Variants in KPNB1 observed in about 807,000 individuals in gnomAD.
The protein encoded by KPNB1 is importin subunit beta-1.
Under a neutral mutation model 113.0 loss-of-function variants are expected in KPNB1, and 7 were observed. The observed-to-expected ratio is 0.06, with a 90% CI of 0.04 to 0.12. KPNB1 has a LOEUF of 0.12. Ranked by LOEUF, KPNB1 falls within the 10% of genes least tolerant of loss-of-function variation. KPNB1 has a pLI of 1.00. For missense variants in KPNB1, 400 were observed against 1,054.8 expected, an observed-to-expected ratio of 0.38 and a Z score of 8.60; for synonymous variants, 363 against 378.6, an observed-to-expected ratio of 0.96 and a Z score of 0.48.
At chr17:47,658,760 G>A (rs1567888834) in intron 5 of KPNB1, 100 bp downstream of exon 5, 1 of 974,208 alleles carries the variant, frequency 1.0e-6, no homozygotes, top group South Asian at 1.6e-5. Flanking sequence ...GGTTTAGAAA[G>A]TACCACCTAC....
intron 21 of KPNB1, among the ~76,000 whole-genome samples, chr17:47,681,666 C>G (rs1249846145): frequency 5.4e-5 from 8 of 147,488 alleles, no homozygotes; most frequent in Admixed American, 3.4e-4. Flanking sequence ...CCTCAGCCTC[C>G]TAAATTGCTG....
intron 9 of KPNB1, among the ~76,000 whole-genome samples, chr17:47,666,614 T>C (rs1337417297): frequency 6.9e-6 from 1 of 145,684 alleles, no homozygotes; most frequent in Non-Finnish European, 1.5e-5. Context: ...ATATATTTTA[T>C]ATATATTATA....
At chr17:47,676,370 C>T (rs182634177) in intron 15 of KPNB1, 39 bp from the exon 16 acceptor site, 52 of 1,424,114 alleles carry the variant, frequency 3.7e-5, no homozygotes, top group South Asian at 3.1e-4. Flanking sequence ...TGTGTTAACC[C>T]GTGGTGCTGT....
chr17:47,651,474 TAC>T, intron 2 of KPNB1: 1 of 401,916 alleles, frequency 2.5e-6, no homozygotes, highest in Non-Finnish European at 3.4e-6. Flanking sequence ...GCTTATTTTA[TAC>T]AGACTGCCTT....
At chr17:47,677,343 G>A (rs1029770846) in intron 17 of KPNB1, among the ~76,000 whole-genome samples, 2 of 151,840 alleles carry the variant, frequency 1.3e-5, no homozygotes, top group African/African-American at 4.8e-5. Flanking sequence ...GTGATGGCAG[G>A]CGCTTGTAAT....
intron 8 of KPNB1, among the ~76,000 whole-genome samples, chr17:47,664,529 T>A (rs1443054703): frequency 6.6e-6 from 1 of 152,166 alleles, no homozygotes; most frequent in Non-Finnish European, 1.5e-5. Flanking sequence ...GGCAGCAGGC[T>A]GTCGCAGTTT....
intron 20 of KPNB1, 115 bp from the exon 21 acceptor site, chr17:47,680,393 G>GT: frequency 3.2e-6 from 4 of 1,240,900 alleles, no homozygotes; most frequent in Non-Finnish European, 4.5e-6. Context: ...TCTACTGAGG[G>GT]TTTTATTTAT....
In KPNB1 at chr17:47,652,889, T is replaced by C. The variant is rs1187891817; in HGVS notation, c.282+13T>C. ...AGTCAAGAACTATGTGAGTAACGCT[T>C]ATCTGTTTGGTTATATTGCCCAGAG... On this transcript the variant is annotated intron_variant, in intron 3 of 21. Coordinates refer to ENST00000290158, the MANE Select transcript of KPNB1 (RefSeq NM_002265.6). 3 of 1,551,188 alleles carry C rather than the reference T, an allele frequency of 1.9e-6. No homozygotes were observed. Among genetic ancestry groups the C allele is most frequent in the East Asian group, 2.3e-5 (1 of 43,610 alleles).
At chr17:47,672,459 C>T (rs1220481667) in intron 12 of KPNB1, among the ~76,000 whole-genome samples, 1 of 151,206 alleles carries the variant, frequency 6.6e-6, no homozygotes, top group South Asian at 2.1e-4. Context: ...AGTGCGGTCT[C>T]GGCCCACTGC....
In KPNB1 at chr17:47,652,493, T is replaced by G. The variant is rs143665937; in HGVS notation, c.100-201T>G. On this transcript the variant is annotated intron_variant, in intron 2 of 21. Transcript: ENST00000290158. ...AGGCTCCACGAGAAAAGTGGAAGACTTCCTGTTACACTAAGTAACATTTTT... is the reference window on the plus strand; with the variant it reads ...AGGCTCCACGAGAAAAGTGGAAGACGTCCTGTTACACTAAGTAACATTTTT... 3.6e-3 allele frequency among the ~76,000 whole-genome samples: 542 copies of G among 152,302 alleles called. 2 individuals are homozygous for G. Among genetic ancestry groups the G allele is most frequent in the African/African-American group, 0.013 (523 of 41,552 alleles).
intron 21 of KPNB1, 95 bp downstream of exon 21, chr17:47,680,764 A>AT: frequency 3.3e-5 from 42 of 1,280,354 alleles, no homozygotes; most frequent in South Asian, 4.5e-5. Context: ...GCCTTCTGGC[A>AT]TTTTTTTTGT....
chr17:47,665,558 T>G (rs2030242764), intron 9 of KPNB1, among the ~76,000 whole-genome samples: 1 of 152,218 alleles, frequency 6.6e-6, no homozygotes, highest in Admixed American at 6.5e-5. Flanking sequence ...TGTATGTTTT[T>G]AAAATTCTAA....
At position 47,652,789 on chromosome 17, in the gene KPNB1, G is replaced by A. The variant is rs372728539; in HGVS notation, c.195G>A (p.Leu65=). ...VAAGLQIKNS[L]TSKDPDIKAQ... is the part of the protein sequence containing the mutation. ...CTGGTCTACAAATCAAGAACTCTTTGACATCTAAAGATCCAGATATCAAGG... is the reference window on the plus strand; with the variant it reads ...CTGGTCTACAAATCAAGAACTCTTTAACATCTAAAGATCCAGATATCAAGG... The change falls in exon 3 of 22, where the codon TTG becomes TTA. Residue 65 remains leucine, a synonymous_variant. Coordinates refer to ENST00000290158, the MANE Select transcript of KPNB1 (RefSeq NM_002265.6). The A allele has an allele frequency of 1.9e-6, 3 of 1,612,648 alleles. No homozygotes were observed. In the African/African-American group the frequency reaches 4.0e-5, roughly 22 times the overall value.
chr17:47,678,272 C>G lies in KPNB1; in HGVS notation c.2248-36C>G, dbSNP rs771577151. 27 of 1,607,420 alleles carry G rather than the reference C, an allele frequency of 1.7e-5. No homozygotes were observed. In the Admixed American group the frequency reaches 2.2e-4, roughly 13 times the overall value. Reference sequence around the variant, plus strand: ...TGACAAACATGCAGCTAAAAGTGATCAGTGTGATGTAGGTTCTGTTCTTTG... The same window carrying G: ...TGACAAACATGCAGCTAAAAGTGATGAGTGTGATGTAGGTTCTGTTCTTTG... On this transcript the variant is annotated intron_variant, in intron 18 of 21. Transcript: ENST00000290158.
intron 12 of KPNB1, 86 bp from the exon 13 acceptor site, chr17:47,672,924 GGTTCCTGA>G (rs1367462193): frequency 4.2e-6 from 5 of 1,184,026 alleles, no homozygotes; most frequent in Non-Finnish European, 5.9e-6. Flanking sequence ...CAGACATACC[GGTTCCTGA>G]GTTCTTATTT....
chr17:47,673,790 A>G, intron 14 of KPNB1: 2 of 521,496 alleles, frequency 3.8e-6, no homozygotes, highest in Non-Finnish European at 6.9e-6. Context: ...GATGGTCTAG[A>G]TGTAATCTTG....
intron 17 of KPNB1, 74 bp downstream of exon 17, chr17:47,677,201 C>T: frequency 1.7e-6 from 2 of 1,152,252 alleles, no homozygotes; most frequent in Non-Finnish European, 2.4e-6. Flanking sequence ...AGTTAAATAT[C>T]GACCAGGCTG....
intron 19 of KPNB1, chr17:47,679,766 G>T: frequency 3.4e-6 from 1 of 297,148 alleles, no homozygotes. Flanking sequence ...GCGCAATCTC[G>T]GCTCACTGCA....
At chr17:47,670,164 A>G (rs2030404916) in intron 11 of KPNB1, among the ~76,000 whole-genome samples, 1 of 152,156 alleles carries the variant, frequency 6.6e-6, no homozygotes, top group Non-Finnish European at 1.5e-5. Context: ...TGATTAAGGT[A>G]GAGAGTTTTT....
Sources: gnomAD v4.1 joint callset for allele counts (sites outside exome capture counted in the v4.1 genomes callset) on GRCh38, gnomAD v4.1.1 for gene constraint, MANE v1.5 for transcripts, NCBI Gene and HGNC (gene_info 2026-07-23, HGNC 2026-07-21) for gene names.